PLD1: variants seen among roughly 807,000 people sequenced by gnomAD.
PLD1 encodes the protein phospholipase D1, also known as choline phosphatase 1.
PLD1 carries 112 observed loss-of-function variants against 137.1 expected under a neutral mutation model. The ratio of observed to expected loss-of-function variants is 0.82; its 90% CI spans 0.70 to 0.96. The LOEUF (loss-of-function observed/expected upper bound fraction) is 0.96, where lower values mean the gene tolerates loss of function less well. Among genes scored for constraint, PLD1 ranks in the 40% least tolerant of loss-of-function variants. PLD1 has a pLI of 0.00. For synonymous variants in PLD1, 431 were observed against 454.7 expected, an observed-to-expected ratio of 0.95 and a Z score of 0.66; for missense variants, 1,321 against 1,342.0, an observed-to-expected ratio of 0.98 and a Z score of 0.24.
intron 25 of PLD1, among the ~76,000 whole-genome samples, chr3:171,607,892 A>T (rs9859130): frequency 0.17 from 26,407 of 152,070 alleles, 2,369 homozygotes; most frequent in South Asian, 0.24. Context: ...TTTCACATTG[A>T]AATAAGTCTC....
intron 25 of PLD1, among the ~76,000 whole-genome samples, chr3:171,609,869 C>T (rs1288559487): frequency 1.3e-5 from 2 of 151,938 alleles, no homozygotes; most frequent in East Asian, 3.8e-4. Context: ...ATCCAGGTAA[C>T]AAAACTGTAC....
chr3:171,611,740 A>T, intron 25 of PLD1: 1 of 438,690 alleles, frequency 2.3e-6, no homozygotes, highest in Non-Finnish European at 4.5e-6. Context: ...ATTTGATTTT[A>T]AAAACTTAAA....
chr3:171,708,332 T>A (rs189673881), intron 11 of PLD1, among the ~76,000 whole-genome samples: 50 of 152,276 alleles, frequency 3.3e-4, no homozygotes, highest in Admixed American at 1.8e-3. Context: ...ACAGAGGATA[T>A]TTTTACGGTA....
intron 21 of PLD1, among the ~76,000 whole-genome samples, chr3:171,652,827 C>G (rs923161478): frequency 3.1e-5 from 4 of 130,672 alleles, no homozygotes; most frequent in African/African-American, 1.2e-4. Context: ...GTTGCACAGA[C>G]TGGTCTTGAA....
intron 1 of PLD1, among the ~76,000 whole-genome samples, chr3:171,751,380 C>G (rs1720645881): frequency 6.6e-6 from 1 of 152,178 alleles, no homozygotes. Flanking sequence ...TACACACACA[C>G]ACACAAAATT....
At chr3:171,807,845 G>A (rs569072061) in intron 1 of PLD1, among the ~76,000 whole-genome samples, 2 of 152,322 alleles carry the variant, frequency 1.3e-5, no homozygotes, top group African/African-American at 4.8e-5. Context: ...ACTATGGACC[G>A]GATAAGAGAA....
chr3:171,710,872 CTTTT>C (rs774704143), intron 9 of PLD1, among the ~76,000 whole-genome samples: 13 of 98,612 alleles, frequency 1.3e-4, no homozygotes, highest in Admixed American at 2.1e-4. Flanking sequence ...GAAAACTGTT[CTTTT>C]TTTTTTTTTT....
intron 1 of PLD1, among the ~76,000 whole-genome samples, chr3:171,808,075 C>T (rs1353616161): frequency 6.6e-6 from 1 of 152,030 alleles, no homozygotes; most frequent in Non-Finnish European, 1.5e-5. Flanking sequence ...AACTACTAGA[C>T]GTGGGAGGGA....
chr3:171,627,503 G>C (rs576396139), intron 23 of PLD1, among the ~76,000 whole-genome samples: 13 of 152,186 alleles, frequency 8.5e-5, no homozygotes, highest in Admixed American at 7.2e-4. Context: ...TCTGCACCAA[G>C]CGGACCTAAT....
intron 1 of PLD1, among the ~76,000 whole-genome samples, chr3:171,764,094 C>T (rs1209026056): frequency 6.6e-6 from 1 of 152,148 alleles, no homozygotes; most frequent in African/African-American, 2.4e-5. Flanking sequence ...ACCTCAGCCT[C>T]CCAAATACCT....
chr3:171,714,833 T>C (rs1717551360), intron 8 of PLD1, among the ~76,000 whole-genome samples: 1 of 152,082 alleles, frequency 6.6e-6, no homozygotes, highest in Non-Finnish European at 1.5e-5. Context: ...GCAAAGAACA[T>C]ATGTGGTATG....
At chr3:171,655,257 GGA>G (rs1737092203) in intron 21 of PLD1, among the ~76,000 whole-genome samples, 1 of 152,184 alleles carries the variant, frequency 6.6e-6, no homozygotes, top group Non-Finnish European at 1.5e-5. Flanking sequence ...AGAAGTCTAT[GGA>G]GAGAGAGGGG....
At chr3:171,765,832 C>T (rs865877704) in intron 1 of PLD1, among the ~76,000 whole-genome samples, 17 of 152,228 alleles carry the variant, frequency 1.1e-4, no homozygotes, top group African/African-American at 4.1e-4. Context: ...GTTATCCAGA[C>T]ATCTGGACAT....
intron 3 of PLD1, 57 bp from the exon 4 acceptor site, chr3:171,735,694 C>A: frequency 1.0e-6 from 1 of 995,414 alleles, no homozygotes; most frequent in Non-Finnish European, 1.6e-6. Flanking sequence ...ATTCCAAAAG[C>A]TTTCAGTGAA....
At chr3:171,652,618 T>C (rs976259527) in intron 21 of PLD1, among the ~76,000 whole-genome samples, 1 of 152,000 alleles carries the variant, frequency 6.6e-6, no homozygotes, top group Non-Finnish European at 1.5e-5. Flanking sequence ...TTTTTTCTTT[T>C]TGTGACAGGG....
intron 6 of PLD1, among the ~76,000 whole-genome samples, chr3:171,729,237 T>C (rs1452211286): frequency 6.6e-6 from 1 of 152,228 alleles, no homozygotes; most frequent in East Asian, 1.9e-4. Context: ...GGCAAAGGAA[T>C]TTGTAAAATA....
intron 1 of PLD1, among the ~76,000 whole-genome samples, chr3:171,803,308 C>T (rs958214847): frequency 2.0e-4 from 30 of 152,276 alleles, no homozygotes; most frequent in South Asian, 4.1e-4. Context: ...ATCACTGTGA[C>T]GGTTGACAGA....
chr3:171,702,718 G>T (rs967147574), intron 11 of PLD1, among the ~76,000 whole-genome samples: 1 of 151,922 alleles, frequency 6.6e-6, no homozygotes, highest in East Asian at 1.9e-4. Context: ...CTTTCCTACA[G>T]GGAAAACTAC....
At chr3:171,644,403 A>T (rs1736017116) in intron 22 of PLD1, among the ~76,000 whole-genome samples, 1 of 152,196 alleles carries the variant, frequency 6.6e-6, no homozygotes, top group East Asian at 1.9e-4. Context: ...TCAAGCACAA[A>T]ACTTTCCCTA....
Sources: gnomAD v4.1 joint callset for allele counts (sites outside exome capture counted in the v4.1 genomes callset) on GRCh38, gnomAD v4.1.1 for gene constraint, MANE v1.5 for transcripts, NCBI Gene and HGNC (gene_info 2026-07-23, HGNC 2026-07-21) for gene names.